The following TAFA5 variants were observed in gnomAD, a reference collection of about 807,000 sequenced individuals.
TAFA5 encodes the protein chemokine-like protein TAFA-5.
TAFA5 carries 6 observed loss-of-function variants against 15.3 expected under a neutral mutation model. The ratio of observed to expected loss-of-function variants is 0.39; its 90% confidence interval spans 0.21 to 0.77. The LOEUF (loss-of-function observed/expected upper bound fraction) is 0.77, where lower values mean the gene tolerates loss of function less well. Ranked by LOEUF, TAFA5 falls within the 30% of genes least tolerant of loss-of-function variation. The probability of loss-of-function intolerance (pLI) is 0.41; values close to 1 mark genes in which losing one functional copy is unlikely to be tolerated. For missense variants in TAFA5, 161 were observed against 193.1 expected (o/e 0.83, Z 0.98); for synonymous variants, 103 against 80.7 (o/e 1.28, Z -1.48).
intron 1 of TAFA5, among the ~76,000 whole-genome samples, chr22:48,512,423 A>G (rs1921248448): frequency 6.6e-6 from 1 of 152,122 alleles, no homozygotes; most frequent in African/African-American, 2.4e-5. Context: ...CCTGGCCAAC[A>G]TGGTGAAACC....
intron 1 of TAFA5, among the ~76,000 whole-genome samples, chr22:48,639,382 T>C (rs1926592716): frequency 1.3e-5 from 2 of 152,222 alleles, no homozygotes; most frequent in African/African-American, 4.8e-5. Flanking sequence ...TCTGTGCCTG[T>C]CAAAGTCATT....
At chr22:48,747,826 G>A (rs1930370755) in intron 3 of TAFA5, among the ~76,000 whole-genome samples, 1 of 151,186 alleles carries the variant, frequency 6.6e-6, no homozygotes, top group Non-Finnish European at 1.5e-5. Flanking sequence ...GAACGGGGGA[G>A]GCAGAGGTTG....
intron 1 of TAFA5, among the ~76,000 whole-genome samples, chr22:48,593,682 G>A (rs1448026554): frequency 6.6e-6 from 1 of 152,204 alleles, no homozygotes; most frequent in Non-Finnish European, 1.5e-5. Flanking sequence ...CTCGGGTGCA[G>A]TGAACTCTGG....
At chr22:48,673,516 G>A (rs5771933) in intron 2 of TAFA5, among the ~76,000 whole-genome samples, 73,682 of 151,946 alleles carry the variant, frequency 0.48, 18,357 homozygotes, top group East Asian at 0.59. Context: ...AATGGCTGTT[G>A]GGCTCTGCTG....
chr22:48,636,289 G>A (rs905457351), intron 1 of TAFA5, among the ~76,000 whole-genome samples: 5 of 152,362 alleles, frequency 3.3e-5, no homozygotes, highest in East Asian at 1.9e-4. Flanking sequence ...TTCCGTGGGG[G>A]AACCGGGCTT....
intron 2 of TAFA5, among the ~76,000 whole-genome samples, chr22:48,670,083 C>A (rs1927752797): frequency 6.6e-6 from 1 of 152,208 alleles, no homozygotes; most frequent in African/African-American, 2.4e-5. Flanking sequence ...GTCCCAGAGC[C>A]AGATGTTCAG....
chr22:48,500,532 G>A (rs1037122524), intron 1 of TAFA5, among the ~76,000 whole-genome samples: 3 of 152,216 alleles, frequency 2.0e-5, no homozygotes, highest in Non-Finnish European at 4.4e-5. Flanking sequence ...GAGCAGCCCC[G>A]ATGCTGCTGA....
chr22:48,641,974 G>A (rs1376947576), intron 1 of TAFA5, among the ~76,000 whole-genome samples: 2 of 152,218 alleles, frequency 1.3e-5, no homozygotes, highest in Non-Finnish European at 2.9e-5. Context: ...AGAAAAGGCC[G>A]GCGCCGTGGG....
At chr22:48,653,106 C>G (rs996789968) in intron 2 of TAFA5, among the ~76,000 whole-genome samples, 1 of 152,176 alleles carries the variant, frequency 6.6e-6, no homozygotes, top group South Asian at 2.1e-4. Flanking sequence ...CTGCCACCCG[C>G]GGCCTTTTTG....
intron 1 of TAFA5, among the ~76,000 whole-genome samples, chr22:48,578,597 G>T (rs1317485230): frequency 6.6e-6 from 1 of 152,200 alleles, no homozygotes; most frequent in African/African-American, 2.4e-5. Context: ...ATGAGGATGG[G>T]GTCAGCTGTA....
At chr22:48,620,282 G>T (rs1461211257) in intron 1 of TAFA5, among the ~76,000 whole-genome samples, 1 of 152,014 alleles carries the variant, frequency 6.6e-6, no homozygotes, top group African/African-American at 2.4e-5. Context: ...CCCTTGGGTG[G>T]CATCTCCCGC....
At chr22:48,595,152 G>A (rs1316231714) in intron 1 of TAFA5, among the ~76,000 whole-genome samples, 1 of 152,168 alleles carries the variant, frequency 6.6e-6, no homozygotes, top group Non-Finnish European at 1.5e-5. Context: ...CCCTGAGTTT[G>A]CAGCCTGCAT....
At chr22:48,512,773 A>G (rs1197160222) in intron 1 of TAFA5, among the ~76,000 whole-genome samples, 6 of 151,520 alleles carry the variant, frequency 4.0e-5, no homozygotes, top group Non-Finnish European at 8.8e-5. Flanking sequence ...ACAAAAAAAA[A>G]TTACCCGGGG....
intron 1 of TAFA5, among the ~76,000 whole-genome samples, chr22:48,624,717 GGC>G (rs1238836412): frequency 2.0e-5 from 3 of 152,168 alleles, no homozygotes; most frequent in African/African-American, 7.2e-5. Context: ...AGTGACTCCT[GGC>G]TCATCCTGTC....
chr22:48,600,728 C>A (rs28627733), intron 1 of TAFA5, among the ~76,000 whole-genome samples: 1 of 152,158 alleles, frequency 6.6e-6, no homozygotes, highest in African/African-American at 2.4e-5. Context: ...CGCCCTTCTG[C>A]GTAGGGTGGT....
chr22:48,562,207 A>G (rs992268642), intron 1 of TAFA5, among the ~76,000 whole-genome samples: 1 of 151,766 alleles, frequency 6.6e-6, no homozygotes, highest in Non-Finnish European at 1.5e-5. Context: ...GCGCCATCTC[A>G]GCTCACTGCA....
chr22:48,731,781 CAGG>C (rs1205092401), intron 3 of TAFA5, among the ~76,000 whole-genome samples: 1 of 152,180 alleles, frequency 6.6e-6, no homozygotes, highest in Non-Finnish European at 1.5e-5. Flanking sequence ...GGAGATGTTC[CAGG>C]AGATGAATGC....
intron 2 of TAFA5, among the ~76,000 whole-genome samples, chr22:48,672,913 A>G (rs1378618057): frequency 6.6e-6 from 1 of 152,170 alleles, no homozygotes; most frequent in East Asian, 1.9e-4. Flanking sequence ...TCATCACTAT[A>G]AAGACCACGG....
At chr22:48,719,172 C>T (rs738698) in intron 3 of TAFA5, among the ~76,000 whole-genome samples, 41,253 of 152,140 alleles carry the variant, frequency 0.27, 5,882 homozygotes, top group Admixed American at 0.36. Flanking sequence ...TGCACACACC[C>T]GCAGGGGCTC....
Sources: allele counts gnomAD v4.1 joint callset (sites outside exome capture counted in the v4.1 genomes callset), GRCh38; gene constraint gnomAD v4.1.1; transcripts MANE v1.5; gene names NCBI Gene and HGNC (gene_info 2026-07-23, HGNC 2026-07-21).